PPME1: variants seen among roughly 807,000 people sequenced by gnomAD.
The protein encoded by PPME1 is testicular secretory protein Li 39.
PPME1 carries 17 observed loss-of-function variants against 56.9 expected under a neutral mutation model. That is an observed-to-expected ratio of 0.30 (90% confidence interval 0.20 to 0.45). PPME1 has a LOEUF of 0.45. Ranked by LOEUF, PPME1 falls within the 20% of genes least tolerant of loss-of-function variation. The pLI is 1.00. For synonymous variants in PPME1, 122 were observed against 156.2 expected (o/e 0.78, Z 1.63); for missense variants, 357 against 483.2 (o/e 0.74, Z 2.45).
chr11:74,193,044 T>G (rs975376536), intron 1 of PPME1, among the ~76,000 whole-genome samples: 2 of 152,220 alleles, frequency 1.3e-5, no homozygotes, highest in Non-Finnish European at 2.9e-5. Context: ...AGCCTGCCAT[T>G]GTTGGTTGTT....
At position 74,210,553 on chromosome 11, in the gene PPME1, G is replaced by A. The variant is rs575614944; in HGVS notation, c.288+6108G>A. ...GAGTGGATCCTTCATGAATGGCTTG[G>A]TGCCGTTCTCATGGTAATGAGTGAG... On this transcript the variant is annotated intron_variant, in intron 3 of 13. Transcript: ENST00000328257. 2.4e-4 allele frequency among the ~76,000 whole-genome samples: 37 copies of A among 152,256 alleles called. No individual in the cohort carries two copies. The South Asian group carries it at 7.5e-3, about 31-fold the overall frequency.
At chr11:74,218,269 A>G (rs948891763) in intron 3 of PPME1, among the ~76,000 whole-genome samples, 7 of 152,196 alleles carry the variant, frequency 4.6e-5, no homozygotes, top group African/African-American at 1.7e-4. Flanking sequence ...CACGAAAAAG[A>G]GAAAGATATT....
At chr11:74,253,051 A>G (rs1379027498) in intron 13 of PPME1, among the ~76,000 whole-genome samples, 2 of 152,318 alleles carry the variant, frequency 1.3e-5, no homozygotes, top group East Asian at 1.9e-4. Flanking sequence ...AAGTTTGCAG[A>G]AGAAATATTA....
intron 1 of PPME1, among the ~76,000 whole-genome samples, chr11:74,178,629 G>A (rs764827998): frequency 1.1e-4 from 16 of 152,150 alleles, no homozygotes; most frequent in Non-Finnish European, 2.1e-4. Context: ...TCATTGCAGT[G>A]TAAGTATAGG....
At chr11:74,185,792 G>T (rs1218434119) in intron 1 of PPME1, among the ~76,000 whole-genome samples, 10 of 151,934 alleles carry the variant, frequency 6.6e-5, no homozygotes, top group African/African-American at 1.7e-4. Context: ...ATTATCAAAG[G>T]TATAAGATTA....
At chr11:74,238,088 C>T (rs906858773) in intron 8 of PPME1, 1 of 151,880 alleles carries the variant, frequency 6.6e-6, no homozygotes, top group Non-Finnish European at 1.5e-5. Flanking sequence ...CTTTCCTGCC[C>T]CTTATAATCC....
intron 9 of PPME1, among the ~76,000 whole-genome samples, chr11:74,239,519 C>T (rs1478653702): frequency 2.0e-5 from 3 of 151,944 alleles, no homozygotes; most frequent in East Asian, 3.9e-4. Context: ...TCCTGTGTTT[C>T]CTCCCATGAG....
chr11:74,222,274 C>T, intron 3 of PPME1, 38 bp from the exon 4 acceptor site: 1 of 1,496,038 alleles, frequency 6.7e-7, no homozygotes, highest in Non-Finnish European at 9.3e-7. Flanking sequence ...AATTTGTTAT[C>T]CTAGATGTGT....
chr11:74,185,363 C>T (rs535789558), intron 1 of PPME1, among the ~76,000 whole-genome samples: 1 of 152,146 alleles, frequency 6.6e-6, no homozygotes, highest in African/African-American at 2.4e-5. Context: ...GATCGTATGG[C>T]TGTTGGTCTG....
At chr11:74,174,218 C>T (rs1857354211) in intron 1 of PPME1, among the ~76,000 whole-genome samples, 1 of 152,136 alleles carries the variant, frequency 6.6e-6, no homozygotes. Context: ...AACTGAGACT[C>T]AGATATTCCT....
intron 1 of PPME1, among the ~76,000 whole-genome samples, chr11:74,192,922 C>A (rs1857880575): frequency 1.3e-5 from 2 of 152,166 alleles, no homozygotes. Context: ...ACAGCAAGAA[C>A]AGACTTAACA....
chr11:74,212,557 C>G (rs1858508202), intron 3 of PPME1, among the ~76,000 whole-genome samples: 1 of 152,158 alleles, frequency 6.6e-6, no homozygotes, highest in Non-Finnish European at 1.5e-5. Context: ...CTCCCCCAAC[C>G]TCAGGTGGAG....
intron 1 of PPME1, among the ~76,000 whole-genome samples, chr11:74,184,989 C>CTTTTTTT (rs559947122): frequency 9.4e-5 from 9 of 95,744 alleles, no homozygotes; most frequent in Admixed American, 1.2e-4. Flanking sequence ...TGAAGTATGT[C>CTTTTTTT]TTTTTTTTTT....
At position 74,246,279 on chromosome 11, in the gene PPME1, A is replaced by T. The variant is rs116875579; in HGVS notation, c.964+74A>T. 2.0e-4 allele frequency: 274 copies of T among 1,350,434 alleles called. 1 individual carries two copies. In the East Asian group the frequency reaches 5.2e-3, roughly 26 times the overall value. The allele number at this position is 1,350,434 out of a possible 1,614,324, so 83.7% of individuals were successfully genotyped here. A position where few individuals can be genotyped will look rare whatever the true frequency, so the allele number is the denominator to read the frequency against. On this transcript the variant is annotated intron_variant, in intron 10 of 13. Transcript: ENST00000328257. ...ATATCATAGACTGAGTGGCTTAAAC[A>T]ACAGAAATTTATTTTCTCACAGTTC...
chr11:74,213,404 C>A (rs2135636979), intron 3 of PPME1, among the ~76,000 whole-genome samples: 1 of 152,150 alleles, frequency 6.6e-6, no homozygotes, highest in Middle Eastern at 3.4e-3. Context: ...GGACCAGGGG[C>A]AACCCACTGC....
chr11:74,211,305 T>A (rs1466751120), intron 3 of PPME1, among the ~76,000 whole-genome samples: 1 of 151,816 alleles, frequency 6.6e-6, no homozygotes, highest in African/African-American at 2.4e-5. Flanking sequence ...TCACACAGAA[T>A]AATAAATGCC....
chr11:74,214,258 G>A (rs1858560172), intron 3 of PPME1, among the ~76,000 whole-genome samples: 1 of 152,128 alleles, frequency 6.6e-6, no homozygotes, highest in African/African-American at 2.4e-5. Flanking sequence ...TTAGCTTGAA[G>A]ACAGGTTATT....
At position 74,239,234 on chromosome 11, in the gene PPME1, G is replaced by A. The variant is rs762965559; in HGVS notation, c.812G>A (p.Arg271Lys). 16 of 1,612,726 alleles carry A rather than the reference G, an allele frequency of 9.9e-6. No individual in the cohort carries two copies. The South Asian group carries it at 1.8e-4, about 18-fold the overall frequency. ...GAAGGAAGTGAGTCTATAAGCAAGA[G>A]GAAAAAGGAAGATGACATGGAGGTG... ...DEEGSESISKRKKEDDMETKK... is the reference protein window; with the variant it reads ...DEEGSESISKKKKEDDMETKK... Residue 271 changes from arginine (R) to lysine (K), a missense_variant, in exon 9 of 14, where the codon AGG (arginine) becomes AAG (lysine). Physicochemically the swap from Arg to Lys is conservative, Grantham distance 26. Transcript: ENST00000328257.
chr11:74,240,471 G>A (rs1293538773), intron 9 of PPME1, among the ~76,000 whole-genome samples: 1 of 152,174 alleles, frequency 6.6e-6, no homozygotes, highest in Admixed American at 6.5e-5. Flanking sequence ...ATGAACAGCA[G>A]ACTAGGGATG....
Sources: gnomAD v4.1 joint callset for allele counts (sites outside exome capture counted in the v4.1 genomes callset) on GRCh38, gnomAD v4.1.1 for gene constraint, MANE v1.5 for transcripts, NCBI Gene and HGNC (gene_info 2026-07-23, HGNC 2026-07-21) for gene names.